Variants in SEMA3C observed in about 807,000 individuals in gnomAD.
SEMA3C encodes semaphorin 3C.
In SEMA3C, 47 loss-of-function variants were observed where a neutral mutation model predicts 89.4. That is an observed-to-expected ratio of 0.53 (90% confidence interval 0.42 to 0.67). The LOEUF (loss-of-function observed/expected upper bound fraction) is 0.67, where lower values mean the gene tolerates loss of function less well. Ranked by LOEUF, SEMA3C falls within the 30% of genes least tolerant of loss-of-function variation. SEMA3C has a pLI of 0.00. For missense variants in SEMA3C, 839 were observed against 929.1 expected, an observed-to-expected ratio of 0.90 and a Z score of 1.26; for synonymous variants, 310 against 320.2, an observed-to-expected ratio of 0.97 and a Z score of 0.34.
Position 80,916,755 on chromosome 7 carries a change from C to A in SEMA3C, c.27G>T (p.Leu9Phe), listed in dbSNP as rs150930067. The A allele has an allele frequency of 5.4e-5, 87 of 1,613,446 alleles. No individual in the cohort carries two copies. In the African/African-American group the frequency reaches 1.0e-3, roughly 19 times the overall value. The change falls in exon 2 of 18, where the codon TTG becomes TTT. Residue 9 changes from leucine (L) to phenylalanine (F), a missense_variant. Transcript: ENST00000265361. ...AGATAGAACAAATAAATACTCCAAC[C>A]AACACGCAAATTGTCCGGAATGCCA... MAFRTICV[L>F]VGVFICSICV... is the part of the protein sequence containing the mutation.
intron 2 of SEMA3C, among the ~76,000 whole-genome samples, chr7:80,873,518 C>T (rs1489066790): frequency 6.6e-6 from 1 of 152,146 alleles, no homozygotes; most frequent in African/African-American, 2.4e-5. Context: ...CAATACTAGG[C>T]CCATTTCTAT....
At position 80,798,083 on chromosome 7, in the gene SEMA3C, G is replaced by T. The variant is rs749541623; in HGVS notation, c.1131+9C>A. On this transcript the variant is annotated intron_variant, in intron 11 of 17. Transcript: ENST00000265361. The stretch of plus-strand genomic sequence containing the variant: ...GCATCATAACAAAGAATTTTCCCTG[G>T]ATACTTACAGTTCCAGGGCGAGGAT... The T allele has an allele frequency of 6.3e-7, 1 of 1,593,654 alleles. No individual in the cohort carries two copies. The highest frequency in any genetic ancestry group is 8.5e-7 in the Non-Finnish European group (1 of 1,173,724).
intron 2 of SEMA3C, among the ~76,000 whole-genome samples, chr7:80,841,837 CT>C (rs1263340142): frequency 6.6e-6 from 1 of 152,054 alleles, no homozygotes; most frequent in Non-Finnish European, 1.5e-5. Context: ...AGATGTTTTC[CT>C]AAAAAGACAG....
chr7:80,841,540 C>T (rs1790268621), intron 2 of SEMA3C, among the ~76,000 whole-genome samples: 1 of 152,040 alleles, frequency 6.6e-6, no homozygotes, highest in South Asian at 2.1e-4. Context: ...CTGAACTAGG[C>T]AATGACAGAA....
intron 2 of SEMA3C, among the ~76,000 whole-genome samples, chr7:80,889,498 A>G (rs561402845): frequency 2.6e-5 from 4 of 152,310 alleles, no homozygotes; most frequent in African/African-American, 9.6e-5. Flanking sequence ...GAAAGACTTA[A>G]GATATCTGTA....
At chr7:80,794,696 G>A (rs951666140) in intron 11 of SEMA3C, among the ~76,000 whole-genome samples, 1 of 152,190 alleles carries the variant, frequency 6.6e-6, no homozygotes, top group African/African-American at 2.4e-5. Context: ...TGCTTTAACA[G>A]GATATACAAC....
In SEMA3C at chr7:80,793,528, A is replaced by C. The variant is rs889930595; in HGVS notation, c.1132-4000T>G. 7 of 430,134 alleles carry C rather than the reference A, an allele frequency of 1.6e-5. No individual in the cohort carries two copies. The Admixed American group carries it at 2.0e-4, about 12-fold the overall frequency. 26.6% of individuals were successfully genotyped at this position (430,134 alleles called of 1,614,324 possible). On this transcript the variant is annotated intron_variant, in intron 11 of 17. Coordinates refer to ENST00000265361, the MANE Select transcript of SEMA3C (RefSeq NM_006379.5). ...AAGATAGACATATTCAAAGCAAAAT[A>C]ACAATATTATGACAAAAAGTAATAA... is the stretch of plus-strand genomic sequence containing the variant.
intron 11 of SEMA3C, 132 bp from the exon 12 acceptor site, chr7:80,789,660 G>A (rs1013483264): frequency 1.6e-6 from 1 of 636,090 alleles, no homozygotes; most frequent in East Asian, 2.7e-5. Context: ...CTATGGAAGT[G>A]AAAAGAAATA....
intron 2 of SEMA3C, among the ~76,000 whole-genome samples, chr7:80,895,753 G>A (rs988624725): frequency 2.6e-5 from 4 of 152,056 alleles, no homozygotes; most frequent in Admixed American, 2.6e-4. Flanking sequence ...TCTTGTTAAA[G>A]ATACAAACAG....
Position 80,916,754 on chromosome 7 carries a change from C to A in SEMA3C, c.28G>T (p.Val10Phe), listed in dbSNP as rs147398619. The change falls in exon 2 of 18, where the codon GTT becomes TTT. Residue 10 changes from valine (V) to phenylalanine (F), a missense_variant. Val to Phe is a conservative substitution (Grantham distance 50, BLOSUM62 -1). Transcript: ENST00000265361. The part of the protein sequence containing the change: MAFRTICVL[V>F]GVFICSICVK... ...CAGATAGAACAAATAAATACTCCAA[C>A]CAACACGCAAATTGTCCGGAATGCC... is the stretch of plus-strand genomic sequence containing the variant. 87 of 1,613,556 alleles carry A rather than the reference C, an allele frequency of 5.4e-5. No individual in the cohort carries two copies. The African/African-American group carries it at 1.0e-3, about 19-fold the overall frequency.
At chr7:80,919,240 G>C (rs1792355957), upstream of SEMA3C, 1 of 985,066 alleles carries the variant, frequency 1.0e-6, no homozygotes, top group Admixed American at 6.2e-5. Flanking sequence ...GCAGGGAGCC[G>C]CGGGGGCGGA....
At chr7:80,898,542 T>C (rs535663336) in intron 2 of SEMA3C, among the ~76,000 whole-genome samples, 2 of 152,222 alleles carry the variant, frequency 1.3e-5, no homozygotes, top group South Asian at 4.1e-4. Flanking sequence ...TATGCATGTG[T>C]CAAGCAATGT....
intron 2 of SEMA3C, among the ~76,000 whole-genome samples, chr7:80,873,431 T>C (rs1400364221): frequency 1.3e-5 from 2 of 152,208 alleles, no homozygotes; most frequent in African/African-American, 2.4e-5. Context: ...GATGAGATAC[T>C]TGAGTCAATT....
At chr7:80,756,163 A>C (rs1403994284) in intron 15 of SEMA3C, among the ~76,000 whole-genome samples, 1 of 152,200 alleles carries the variant, frequency 6.6e-6, no homozygotes, top group Non-Finnish European at 1.5e-5. Context: ...TTTTCCTCAC[A>C]AACCTGCTCC....
At chr7:80,847,000 C>T (rs1224860009) in intron 2 of SEMA3C, among the ~76,000 whole-genome samples, 4 of 152,156 alleles carry the variant, frequency 2.6e-5, no homozygotes, top group Non-Finnish European at 5.9e-5. Flanking sequence ...TCCATTCTTA[C>T]ACACTTTAGA....
chr7:80,881,187 ACACACACACACACACACACACACT>A (rs1241444162), intron 2 of SEMA3C, among the ~76,000 whole-genome samples: 101 of 151,268 alleles, frequency 6.7e-4, no homozygotes, highest in African/African-American at 2.3e-3. Flanking sequence ...ACACACACAC[ACACACACACACACACACACACACT>A]CTCTCTCATG....
chr7:80,853,050 T>A (rs1790553235), intron 2 of SEMA3C, among the ~76,000 whole-genome samples: 1 of 152,050 alleles, frequency 6.6e-6, no homozygotes, highest in African/African-American at 2.4e-5. Flanking sequence ...ACATCACTGA[T>A]CATCAAAACT....
intron 8 of SEMA3C, 71 bp downstream of exon 8, chr7:80,804,034 TA>T: frequency 7.3e-7 from 1 of 1,363,680 alleles, no homozygotes; most frequent in Non-Finnish European, 9.8e-7. Context: ...TGGTTGATAA[TA>T]AAAGCACGGA....
chr7:80,824,472 A>C (rs1789825840), intron 4 of SEMA3C, among the ~76,000 whole-genome samples: 1 of 152,170 alleles, frequency 6.6e-6, no homozygotes, highest in Non-Finnish European at 1.5e-5. Flanking sequence ...AGGAAAAGAG[A>C]ATCAATTGCA....
Sources: gnomAD v4.1 joint callset for allele counts (sites outside exome capture counted in the v4.1 genomes callset) on GRCh38, gnomAD v4.1.1 for gene constraint, MANE v1.5 for transcripts, NCBI Gene and HGNC (gene_info 2026-07-23, HGNC 2026-07-21) for gene names.